SPATA17: variants seen among roughly 807,000 people sequenced by gnomAD.
The protein encoded by SPATA17 is spermatogenesis-associated protein 17.
In SPATA17, 53 loss-of-function variants were observed where a neutral mutation model predicts 62.2. The ratio of observed to expected loss-of-function variants is 0.85; its 90% CI spans 0.68 to 1.07. SPATA17 has a LOEUF of 1.07. Among genes scored for constraint, SPATA17 ranks in the 50% least tolerant of loss-of-function variants. The pLI is 0.00. For synonymous variants in SPATA17, 146 were observed against 146.8 expected (o/e 0.99, Z 0.04); for missense variants, 466 against 425.5 (o/e 1.10, Z -0.84).
At chr1:217,722,837 T>G (rs191071447) in intron 5 of SPATA17, among the ~76,000 whole-genome samples, 1 of 151,486 alleles carries the variant, frequency 6.6e-6, no homozygotes, top group East Asian at 1.9e-4. Flanking sequence ...TATCGTGACT[T>G]TTTTTTTTCC....
chr1:217,643,303 A>C (rs1286873154), intron 1 of SPATA17, among the ~76,000 whole-genome samples: 3 of 152,108 alleles, frequency 2.0e-5, no homozygotes, highest in Non-Finnish European at 4.4e-5. Context: ...TCTTAGACCC[A>C]GTGCGGGCTC....
intron 8 of SPATA17, among the ~76,000 whole-genome samples, chr1:217,788,416 C>T (rs754838910): frequency 6.6e-6 from 1 of 152,128 alleles, no homozygotes; most frequent in African/African-American, 2.4e-5. Context: ...CTAATCCTCG[C>T]AACCTGTGAT....
At chr1:217,753,456 T>C (rs975360004) in intron 6 of SPATA17, among the ~76,000 whole-genome samples, 2 of 152,144 alleles carry the variant, frequency 1.3e-5, no homozygotes, top group Non-Finnish European at 2.9e-5. Flanking sequence ...TTTCTTTAGT[T>C]CTTTCTCTTT....
intron 7 of SPATA17, among the ~76,000 whole-genome samples, chr1:217,775,968 C>T (rs1317948949): frequency 2.0e-5 from 3 of 151,906 alleles, no homozygotes; most frequent in African/African-American, 7.3e-5. Flanking sequence ...CTTGTTATAA[C>T]CTGTTGTTGC....
chr1:217,859,006 T>C (rs1675839606), intron 9 of SPATA17, among the ~76,000 whole-genome samples: 1 of 151,542 alleles, frequency 6.6e-6, no homozygotes, highest in South Asian at 2.1e-4. Flanking sequence ...CCAGCCTGGG[T>C]GACAAAGCGA....
intron 5 of SPATA17, among the ~76,000 whole-genome samples, chr1:217,705,597 T>A (rs1379992382): frequency 6.6e-6 from 1 of 151,894 alleles, no homozygotes. Context: ...TGTGCCACTA[T>A]GCCCAACTAA....
chr1:217,671,103 T>A (rs1195983780), intron 4 of SPATA17, among the ~76,000 whole-genome samples: 1 of 152,196 alleles, frequency 6.6e-6, no homozygotes, highest in Non-Finnish European at 1.5e-5. Flanking sequence ...CCCACTTTTT[T>A]ACCTATGACA....
chr1:217,714,500 T>TTTTTTTTTTTTTTTTTTTTTG (rs1671953526), intron 5 of SPATA17, among the ~76,000 whole-genome samples: 1 of 148,186 alleles, frequency 6.7e-6, no homozygotes, highest in South Asian at 2.1e-4. Flanking sequence ...TTTTTTTTTT[T>TTTTTTTTTTTTTTTTTTTTTG]TTGAGACAGA....
Position 217,741,994 on chromosome 1 carries a change from G to A in SPATA17, c.415G>A (p.Ala139Thr), listed in dbSNP as rs779598293. Reference sequence around the variant, plus strand: ...ATGCAGGAAGGCACTGGAGGAGTTTGCAGAAATGAAAGAAAGAGAAGAGAA... The same window carrying A: ...ATGCAGGAAGGCACTGGAGGAGTTTACAGAAATGAAAGAAAGAGAAGAGAA... ...DAIRKALEEF[A>T]EMKEREEKKA... The change falls in exon 6 of 11, where the codon GCA becomes ACA. Residue 139 changes from alanine to threonine, a missense_variant. Ala to Thr is a moderately conservative substitution (Grantham distance 58). Coordinates refer to ENST00000366933, the MANE Select transcript of SPATA17 (RefSeq NM_138796.4). The A allele has an allele frequency of 7.4e-6, 12 of 1,613,976 alleles. No individual in the cohort carries two copies. In the South Asian group the frequency reaches 9.9e-5, roughly 13 times the overall value.
intron 7 of SPATA17, among the ~76,000 whole-genome samples, chr1:217,780,596 G>A (rs531410036): frequency 4.5e-4 from 68 of 152,248 alleles, no homozygotes; most frequent in African/African-American, 1.6e-3. Context: ...TGGCCACCAA[G>A]AAGACCATTG....
chr1:217,650,372 C>T (rs990357610), intron 2 of SPATA17, among the ~76,000 whole-genome samples: 1 of 152,108 alleles, frequency 6.6e-6, no homozygotes, highest in Non-Finnish European at 1.5e-5. Flanking sequence ...AAGAGGAGAA[C>T]TATTTCTTAA....
At chr1:217,730,051 G>C (rs1043195071) in intron 5 of SPATA17, among the ~76,000 whole-genome samples, 1 of 152,136 alleles carries the variant, frequency 6.6e-6, no homozygotes, top group Admixed American at 6.6e-5. Flanking sequence ...TGGTATAATT[G>C]ATCAGGGAAG....
intron 9 of SPATA17, among the ~76,000 whole-genome samples, chr1:217,810,390 A>G (rs991650856): frequency 2.6e-5 from 4 of 152,140 alleles, no homozygotes; most frequent in Non-Finnish European, 5.9e-5. Flanking sequence ...CTACCTGGCC[A>G]AGGCAGGCGG....
At chr1:217,754,538 G>C (rs1407532595) in intron 6 of SPATA17, among the ~76,000 whole-genome samples, 1 of 151,998 alleles carries the variant, frequency 6.6e-6, no homozygotes, top group African/African-American at 2.4e-5. Context: ...ATTTTGGATT[G>C]AGCCCAGTCA....
intron 9 of SPATA17, among the ~76,000 whole-genome samples, chr1:217,851,867 CTT>C (rs780837881): frequency 6.6e-6 from 1 of 152,158 alleles, no homozygotes; most frequent in Non-Finnish European, 1.5e-5. Flanking sequence ...CATTTAAAGA[CTT>C]TAAGATAAGT....
chr1:217,669,180 T>A, intron 4 of SPATA17, 97 bp downstream of exon 4: 1 of 1,004,838 alleles, frequency 1.0e-6, no homozygotes, highest in South Asian at 1.4e-5. Flanking sequence ...CAAATTTGAT[T>A]GATATGCTAA....
intron 8 of SPATA17, among the ~76,000 whole-genome samples, chr1:217,784,704 T>A (rs1406012893): frequency 6.6e-6 from 1 of 152,178 alleles, no homozygotes; most frequent in Admixed American, 6.6e-5. Flanking sequence ...TTACTACAAA[T>A]GTAATTCTGC....
chr1:217,730,513 G>A (rs181175777), intron 5 of SPATA17, among the ~76,000 whole-genome samples: 1 of 152,074 alleles, frequency 6.6e-6, no homozygotes, highest in Admixed American at 6.6e-5. Context: ...GAGCCACCAC[G>A]CCCAGCCAAG....
chr1:217,703,043 T>C (rs983430216), intron 5 of SPATA17, among the ~76,000 whole-genome samples: 1 of 151,894 alleles, frequency 6.6e-6, no homozygotes, highest in African/African-American at 2.4e-5. Flanking sequence ...ATCTGGCTAA[T>C]TTTTGTATTT....
Sources: gnomAD v4.1 joint callset for allele counts (sites outside exome capture counted in the v4.1 genomes callset) on GRCh38, gnomAD v4.1.1 for gene constraint, MANE v1.5 for transcripts, NCBI Gene and HGNC (gene_info 2026-07-23, HGNC 2026-07-21) for gene names.